DPP10: variants seen among roughly 807,000 people sequenced by gnomAD.
DPP10 encodes the protein inactive dipeptidyl peptidase 10.
In DPP10, 33 loss-of-function variants were observed where a neutral mutation model predicts 120.9. The ratio of observed to expected loss-of-function variants is 0.27; its 90% CI spans 0.21 to 0.37. The LOEUF (loss-of-function observed/expected upper bound fraction) is 0.37. DPP10 is among the 10% of genes least tolerant of loss of function. The probability of loss-of-function intolerance (pLI) is 1.00; values close to 1 mark genes in which losing one functional copy is unlikely to be tolerated. For synonymous variants in DPP10, 337 were observed against 326.1 expected, an observed-to-expected ratio of 1.03 and a Z score of -0.36; for missense variants, 816 against 942.8, an observed-to-expected ratio of 0.87 and a Z score of 1.76.
chr2:114,974,010 T>G (rs1699579457), intron 1 of DPP10, among the ~76,000 whole-genome samples: 1 of 152,186 alleles, frequency 6.6e-6, no homozygotes, highest in African/African-American at 2.4e-5. Flanking sequence ...TTAAATTAAG[T>G]GTTATTACAG....
intron 1 of DPP10, among the ~76,000 whole-genome samples, chr2:115,103,281 G>A (rs1316988140): frequency 4.1e-5 from 6 of 145,910 alleles, no homozygotes; most frequent in South Asian, 4.3e-4. Context: ...TCCCCCTCCC[G>A]GGTTCATGCC....
At chr2:115,758,916 T>C (rs1006004082) in intron 11 of DPP10, among the ~76,000 whole-genome samples, 1 of 152,184 alleles carries the variant, frequency 6.6e-6, no homozygotes, top group African/African-American at 2.4e-5. Flanking sequence ...TCATATCATA[T>C]TCTAAAATCA....
chr2:114,967,782 A>ACATTATCATTATCATTAT (rs3981150), intron 1 of DPP10, among the ~76,000 whole-genome samples: 4 of 151,822 alleles, frequency 2.6e-5, no homozygotes, highest in African/African-American at 9.7e-5. Context: ...GCCTTATTTA[A>ACATTATCATTATCATTAT]CATTATCATT....
intron 4 of DPP10, among the ~76,000 whole-genome samples, chr2:115,521,604 TA>T (rs2077814539): frequency 8.1e-6 from 1 of 123,736 alleles, no homozygotes; most frequent in East Asian, 3.2e-4. Context: ...ATCTAATCCT[TA>T]TTTTTTTTTT....
intron 19 of DPP10, among the ~76,000 whole-genome samples, chr2:115,808,377 G>T (rs558168348): frequency 6.6e-6 from 1 of 152,286 alleles, no homozygotes; most frequent in African/African-American, 2.4e-5. Context: ...TATTGATGCA[G>T]AGTTGCATAG....
intron 11 of DPP10, among the ~76,000 whole-genome samples, chr2:115,757,621 G>C (rs1330685713): frequency 6.6e-6 from 1 of 151,952 alleles, no homozygotes; most frequent in Admixed American, 6.6e-5. Context: ...ATGTGATTTG[G>C]GTGGGACACA....
intron 1 of DPP10, among the ~76,000 whole-genome samples, chr2:114,795,751 G>C (rs1683650782): frequency 6.6e-6 from 1 of 151,872 alleles, no homozygotes; most frequent in South Asian, 2.1e-4. Flanking sequence ...GAAGAAGTTA[G>C]GTATGTCATG....
intron 5 of DPP10, among the ~76,000 whole-genome samples, chr2:115,626,977 A>T (rs1165866314): frequency 6.6e-6 from 1 of 152,206 alleles, no homozygotes; most frequent in Non-Finnish European, 1.5e-5. Context: ...AAATTGGGTT[A>T]TGCCAGAAAG....
intron 7 of DPP10, among the ~76,000 whole-genome samples, chr2:115,727,227 C>T (rs1390951999): frequency 6.6e-6 from 1 of 151,926 alleles, no homozygotes; most frequent in Non-Finnish European, 1.5e-5. Context: ...ATTATTATTG[C>T]CGTACTATTT....
At chr2:115,313,106 C>A (rs1239781407) in intron 2 of DPP10, among the ~76,000 whole-genome samples, 5 of 152,036 alleles carry the variant, frequency 3.3e-5, no homozygotes, top group Non-Finnish European at 2.9e-5. Context: ...ACCTGTAGTC[C>A]CAGCTACTCG....
At chr2:115,308,530 C>G (rs1295687906) in intron 1 of DPP10, among the ~76,000 whole-genome samples, 1 of 152,006 alleles carries the variant, frequency 6.6e-6, no homozygotes, top group African/African-American at 2.4e-5. Context: ...GAGCACAGAT[C>G]ATTGGAGGAA....
At chr2:115,652,941 T>C (rs2087933832) in intron 5 of DPP10, among the ~76,000 whole-genome samples, 1 of 151,970 alleles carries the variant, frequency 6.6e-6, no homozygotes, top group Non-Finnish European at 1.5e-5. Flanking sequence ...TCACAATTCA[T>C]TATGGCAATT....
intron 10 of DPP10, among the ~76,000 whole-genome samples, chr2:115,748,724 C>G (rs1304669736): frequency 6.6e-6 from 1 of 152,000 alleles, no homozygotes; most frequent in African/African-American, 2.4e-5. Flanking sequence ...ATCATTATCC[C>G]TTCAACCCAA....
intron 19 of DPP10, among the ~76,000 whole-genome samples, chr2:115,793,592 C>T (rs560017005): frequency 5.9e-5 from 9 of 151,714 alleles, no homozygotes; most frequent in Admixed American, 2.6e-4. Context: ...TAATTTAATG[C>T]CCATAAAGTT....
At chr2:114,664,902 CATCCAAAAGATGGCAG>C (rs1213400812) in intron 1 of DPP10, among the ~76,000 whole-genome samples, 14 of 151,508 alleles carry the variant, frequency 9.2e-5, no homozygotes, top group African/African-American at 3.2e-4. Flanking sequence ...TGGCAGAGAG[CATCCAAAAGATGGCAG>C]AGAGCATCCA....
At chr2:115,289,443 T>A (rs2060551523) in intron 1 of DPP10, among the ~76,000 whole-genome samples, 1 of 121,296 alleles carries the variant, frequency 8.2e-6, no homozygotes, top group Admixed American at 8.7e-5. Context: ...AATGCCATTT[T>A]TCACAGAATT....
intron 1 of DPP10, among the ~76,000 whole-genome samples, chr2:114,904,579 T>C (rs1693822903): frequency 6.6e-6 from 1 of 152,200 alleles, no homozygotes; most frequent in Non-Finnish European, 1.5e-5. Context: ...ATTGCAAATG[T>C]TGATGATAAA....
intron 3 of DPP10, among the ~76,000 whole-genome samples, chr2:115,495,652 T>C (rs1045714652): frequency 6.6e-6 from 1 of 152,140 alleles, no homozygotes; most frequent in African/African-American, 2.4e-5. Flanking sequence ...TTTTTCTTTT[T>C]GTCAGCCAAA....
At chr2:114,528,648 T>C (rs961430400) in intron 1 of DPP10, among the ~76,000 whole-genome samples, 1 of 151,206 alleles carries the variant, frequency 6.6e-6, no homozygotes, top group African/African-American at 2.4e-5. Flanking sequence ...ACCAAAATGT[T>C]ATTCAACATT....
Sources: allele counts gnomAD v4.1 joint callset (sites outside exome capture counted in the v4.1 genomes callset), GRCh38; gene constraint gnomAD v4.1.1; transcripts MANE v1.5; gene names NCBI Gene and HGNC (gene_info 2026-07-23, HGNC 2026-07-21).